BICD2: variants seen among roughly 807,000 people sequenced by gnomAD.
The protein encoded by BICD2 is protein bicaudal D homolog 2.
In BICD2, 25 loss-of-function variants were observed where a neutral mutation model predicts 72.9. That is an observed-to-expected ratio of 0.34 (90% CI 0.25 to 0.48). The LOEUF (loss-of-function observed/expected upper bound fraction) is 0.48, where lower values mean the gene tolerates loss of function less well. BICD2 is among the 20% of genes least tolerant of loss of function. BICD2 has a pLI of 0.99. For synonymous variants in BICD2, 501 were observed against 516.1 expected (o/e 0.97, Z 0.40); for missense variants, 894 against 1,175.2 (o/e 0.76, Z 3.50).
intron 1 of BICD2, among the ~76,000 whole-genome samples, chr9:92,740,145 T>C (rs928494750): frequency 3.9e-5 from 6 of 152,098 alleles, no homozygotes; most frequent in African/African-American, 1.2e-4. Context: ...GGCTCTGCAA[T>C]AGCCAGCAAA....
chr9:92,720,743 C>T lies in BICD2; in HGVS notation c.619G>A (p.Gly207Ser). The T allele has an allele frequency of 6.2e-7, 1 of 1,613,426 alleles. No individual in the cohort carries two copies. The highest frequency in any genetic ancestry group is 1.7e-5 in the Admixed American group (1 of 59,962). Reference protein sequence around the residue: ...VLRQNQVEFEGLKHEIKRLEE... With the variant: ...VLRQNQVEFESLKHEIKRLEE... ...AGACGCTTGATCTCATGCTTGAGGC[C>T]CTCAAACTCCACCTGGGAAGAGAAG... The change falls in exon 4 of 7, where the codon GGC becomes AGC. Residue 207 changes from glycine (G) to serine (S), a missense_variant. By Grantham distance (56) the Gly-to-Ser change is moderately conservative (BLOSUM62 0). Transcript: ENST00000356884. This position sits in a 1 kb window ranked among gnomAD's most constrained non-coding sequence, Gnocchi z 5.4.
Position 92,724,159 on chromosome 9 carries a change from G to A in BICD2, c.454-1351C>T, listed in dbSNP as rs74993120. On this transcript the variant is annotated intron_variant, in intron 2 of 6. Coordinates refer to ENST00000356884, the MANE Select transcript of BICD2 (RefSeq NM_001003800.2). ...TGCTCCAAAGCCCTCTTGGACTCTC[G>A]GCCAGAAGCCCTGTCCATCTTGCGG... Among the ~76,000 whole-genome samples the A allele has an allele frequency of 3.2e-3, 492 of 152,214 alleles. 2 individuals are homozygous for A. The highest frequency in any genetic ancestry group is 0.01 in the African/African-American group (424 of 41,534).
intron 1 of BICD2, among the ~76,000 whole-genome samples, chr9:92,747,015 G>C (rs1854027144): frequency 1.3e-5 from 2 of 152,236 alleles, no homozygotes; most frequent in Admixed American, 6.5e-5. Flanking sequence ...ATGCAGCCTG[G>C]ACTGAAATGG....
chr9:92,742,446 G>A (rs887741669), intron 1 of BICD2, among the ~76,000 whole-genome samples: 4 of 149,154 alleles, frequency 2.7e-5, no homozygotes, highest in East Asian at 2.0e-4. Context: ...GTGCAGTGGC[G>A]CGATCTTGGC....
At chr9:92,740,706 G>A (rs1022801103) in intron 1 of BICD2, among the ~76,000 whole-genome samples, 4 of 152,124 alleles carry the variant, frequency 2.6e-5, no homozygotes, top group African/African-American at 4.8e-5. Flanking sequence ...AACCATGTTT[G>A]TGTATTTTTT....
Position 92,720,907 on chromosome 9 carries a change from A to T in BICD2, c.607-152T>A. The stretch of plus-strand genomic sequence containing the variant: ...GAGGTGCCATCCTGGGAAGGGTGGC[A>T]GCCCGTCCAGGCCAAGACTGCTTCC... On this transcript the variant is annotated intron_variant, in intron 3 of 6. Coordinates refer to ENST00000356884, the MANE Select transcript of BICD2 (RefSeq NM_001003800.2). The surrounding 1 kb of genome is among the most constrained non-coding windows in gnomAD (Gnocchi z 5.4). 2 of 792,736 alleles carry T rather than the reference A, an allele frequency of 2.5e-6. No homozygotes were observed. The highest frequency in any genetic ancestry group is 3.9e-6 in the Non-Finnish European group (2 of 510,306). 49.1% of individuals were successfully genotyped at this position (792,736 alleles called of 1,614,324 possible). A position where few individuals can be genotyped will look rare whatever the true frequency, so the allele number is the denominator to read the frequency against.
chr9:92,723,049 GCCTGCT>G (rs1489081077), intron 2 of BICD2, among the ~76,000 whole-genome samples: 1 of 145,504 alleles, frequency 6.9e-6, no homozygotes, highest in Non-Finnish European at 1.5e-5. Flanking sequence ...ACCCGTGACT[GCCTGCT>G]CCGACCCTTG....
At position 92,717,959 on chromosome 9, in the gene BICD2, G is replaced by A. The variant is rs1214286627; in HGVS notation, c.2107-11C>T. The A allele has an allele frequency of 6.2e-7, 1 of 1,611,290 alleles. No homozygotes were observed. Reference sequence around the variant, plus strand: ...GGCCACCTCGGCCGTCTGGGGGACAGATGTGTAGGGTGGAAAAGTGAAAGG... The same window carrying A: ...GGCCACCTCGGCCGTCTGGGGGACAAATGTGTAGGGTGGAAAAGTGAAAGG... On this transcript the variant is annotated splice_polypyrimidine_tract_variant and intron_variant, in intron 5 of 6. Transcript: ENST00000356884.
chr9:92,722,075 C>A (rs1051507818), intron 3 of BICD2, among the ~76,000 whole-genome samples: 5 of 152,174 alleles, frequency 3.3e-5, no homozygotes, highest in African/African-American at 1.2e-4. Flanking sequence ...GTGGCTCTTG[C>A]AGAGAGAAGA....
In BICD2 at chr9:92,718,931, G is replaced by A. The variant is rs757277531; in HGVS notation, c.1714C>T (p.Arg572Cys). The A allele has an allele frequency of 5.0e-6, 8 of 1,608,118 alleles. No individual in the cohort carries two copies. Among genetic ancestry groups the A allele is most frequent in the Admixed American group, 3.3e-5 (2 of 59,870 alleles). The change falls in exon 5 of 7, where the codon CGC becomes TGC. Residue 572 changes from arginine to cysteine, a missense_variant. By Grantham distance (180) the Arg-to-Cys change is radical (BLOSUM62 -3). Transcript: ENST00000356884. ...CGGCCACGCGCCTCGGGGCTGGTGC[G>A]GCCCCCGGGACTGGTGCGGCCGGCC... ...GGAGRTSPGG[R>C]TSPEARGRRS...
At chr9:92,716,770 G>A (rs902297405) in intron 6 of BICD2, among the ~76,000 whole-genome samples, 9 of 152,216 alleles carry the variant, frequency 5.9e-5, no homozygotes, top group Non-Finnish European at 1.2e-4. Flanking sequence ...CCCCACAGAG[G>A]CCTGTGAACA....
chr9:92,717,210 G>C (rs1853333990), intron 6 of BICD2, among the ~76,000 whole-genome samples: 1 of 152,210 alleles, frequency 6.6e-6, no homozygotes, highest in African/African-American at 2.4e-5. Context: ...GTAAATGTTG[G>C]ATTCAAGGGG....
intron 1 of BICD2, among the ~76,000 whole-genome samples, chr9:92,733,379 T>TA (rs1006639533): frequency 3.3e-5 from 5 of 149,680 alleles, no homozygotes; most frequent in East Asian, 4.0e-4. Flanking sequence ...CTACTAAAAA[T>TA]AAAAAAAAAT....
chr9:92,727,733 C>G (rs1853594528), intron 2 of BICD2, among the ~76,000 whole-genome samples: 1 of 152,174 alleles, frequency 6.6e-6, no homozygotes, highest in Non-Finnish European at 1.5e-5. Flanking sequence ...CTCAGCCTCA[C>G]TTTTGTCCCC....
rs1273678052 is a variant in BICD2, at chr9:92,711,868, G to A, written c.*3286C>T. ...TTATAATTTTTCCTTTTTTGGAGAA[G>A]GAAGGACAGTTTTTCTTCCTCCAAG... On this transcript the variant is annotated 3_prime_UTR_variant, in exon 7 of 7. Transcript: ENST00000356884. 6.6e-6 allele frequency: 1 copy of A among 152,318 alleles called. No individual in the cohort carries two copies. Among genetic ancestry groups the A allele is most frequent in the African/African-American group, 2.4e-5 (1 of 41,372 alleles). 9.4% of individuals were successfully genotyped at this position (152,318 alleles called of 1,614,324 possible). A position where few individuals can be genotyped will look rare whatever the true frequency, so the allele number is the denominator to read the frequency against.
chr9:92,762,258 T>C (rs1055921580), intron 1 of BICD2, among the ~76,000 whole-genome samples: 1 of 152,188 alleles, frequency 6.6e-6, no homozygotes, highest in Non-Finnish European at 1.5e-5. Flanking sequence ...AGAGTTAATA[T>C]TTTCAACTAT....
chr9:92,743,419 C>T (rs1853938782), intron 1 of BICD2, among the ~76,000 whole-genome samples: 1 of 143,874 alleles, frequency 7.0e-6, no homozygotes, highest in Non-Finnish European at 1.5e-5. Context: ...TAGTCTTGAA[C>T]TCCTGGGCTC....
At chr9:92,758,976 A>G (rs1301190686) in intron 1 of BICD2, among the ~76,000 whole-genome samples, 2 of 152,264 alleles carry the variant, frequency 1.3e-5, no homozygotes, top group East Asian at 1.9e-4. Flanking sequence ...TGGGCAACAC[A>G]GTGAGACCCT....
In BICD2 at chr9:92,764,364, T is replaced by C; in HGVS notation, c.240+141A>G. On this transcript the variant is annotated intron_variant, in intron 1 of 6. Coordinates refer to ENST00000356884, the MANE Select transcript of BICD2 (RefSeq NM_001003800.2). The surrounding 1 kb of genome is among the most constrained non-coding windows in gnomAD (Gnocchi z 5.5). ...CAAGGCCGGGCCCACTCCCACATAC[T>C]GCCCGTGCCCCCTCCGCCCCGGCGG... 8.3e-7 allele frequency: 1 copy of C among 1,208,460 alleles called. No homozygotes were observed. Among genetic ancestry groups the C allele is most frequent in the South Asian group, 1.9e-5 (1 of 51,772 alleles). The allele number at this position is 1,208,460 out of a possible 1,614,324, so 74.9% of individuals were successfully genotyped here.
Sources: gnomAD v4.1 joint callset for allele counts (sites outside exome capture counted in the v4.1 genomes callset) on GRCh38, gnomAD v4.1.1 for gene constraint, Gnocchi (gnomAD v3.1) non-coding constraint, MANE v1.5 for transcripts, NCBI Gene and HGNC (gene_info 2026-07-23, HGNC 2026-07-21) for gene names.